Variants in LRBA observed in about 807,000 individuals in gnomAD.
LRBA encodes lipopolysaccharide-responsive and beige-like anchor protein.
LRBA carries 176 observed loss-of-function variants against 330.0 expected under a neutral mutation model. The ratio of observed to expected loss-of-function variants is 0.53; its 90% CI spans 0.47 to 0.60. LRBA has a LOEUF of 0.60. LRBA is among the 20% of genes least tolerant of loss of function. LRBA has a pLI of 0.00. For synonymous variants in LRBA, 1,230 were observed against 1,193.0 expected, an observed-to-expected ratio of 1.03 and a Z score of -0.64; for missense variants, 3,259 against 3,444.8, an observed-to-expected ratio of 0.95 and a Z score of 1.35.
chr4:150,769,351 G>A (rs1736237064), intron 34 of LRBA, among the ~76,000 whole-genome samples: 1 of 151,980 alleles, frequency 6.6e-6, no homozygotes, highest in Non-Finnish European at 1.5e-5. Flanking sequence ...GAGACACAGA[G>A]ACAGAGAGAG....
chr4:150,604,968 T>C (rs1243131912), intron 37 of LRBA, among the ~76,000 whole-genome samples: 1 of 152,066 alleles, frequency 6.6e-6, no homozygotes, highest in South Asian at 2.1e-4. Flanking sequence ...AGTGGACATA[T>C]TAGGAAGATG....
intron 37 of LRBA, among the ~76,000 whole-genome samples, chr4:150,675,672 C>T (rs1003272352): frequency 6.6e-6 from 1 of 151,916 alleles, no homozygotes; most frequent in African/African-American, 2.4e-5. Flanking sequence ...GAGCTGAGAT[C>T]CCACCACTGC....
At chr4:150,726,904 A>C (rs561720102) in intron 36 of LRBA, among the ~76,000 whole-genome samples, 89 of 151,750 alleles carry the variant, frequency 5.9e-4, no homozygotes, top group Non-Finnish European at 1.1e-3. Context: ...AACTAATGAG[A>C]GAGATAGACT....
rs1304772955 is a variant in LRBA, at chr4:150,599,137, A to G, written c.5922-6T>C. 6.2e-7 allele frequency: 1 copy of G among 1,613,850 alleles called. No homozygotes were observed. Among genetic ancestry groups the G allele is most frequent in the South Asian group, 1.1e-5 (1 of 91,052 alleles). On this transcript the variant is annotated splice_polypyrimidine_tract_variant and splice_region_variant and intron_variant, in intron 37 of 56. Transcript: ENST00000651943. Reference sequence around the variant, plus strand: ...GCCAGAACTCAAGAGGACGACTACAATGAAACAGAGAAGCCACATATGTTA... The same window carrying G: ...GCCAGAACTCAAGAGGACGACTACAGTGAAACAGAGAAGCCACATATGTTA...
At chr4:150,579,362 TG>T (rs763670954) in intron 40 of LRBA, 2 of 400,254 alleles carry the variant, frequency 5.0e-6, no homozygotes. Context: ...CAGAGTGAGT[TG>T]GGGTGGGGGA....
chr4:150,822,942 T>C (rs906804646), intron 30 of LRBA, among the ~76,000 whole-genome samples: 6 of 151,980 alleles, frequency 3.9e-5, no homozygotes, highest in African/African-American at 1.4e-4. Flanking sequence ...CTTAAACCGG[T>C]AAGCACAGTG....
At chr4:150,482,911 G>T (rs879048964) in intron 42 of LRBA, among the ~76,000 whole-genome samples, 1 of 151,704 alleles carries the variant, frequency 6.6e-6, no homozygotes, top group African/African-American at 2.4e-5. Context: ...ACATATCCTG[G>T]ATGTAAGTGC....
Position 151,014,633 on chromosome 4 carries a change from C to G in LRBA, c.10G>C (p.Glu4Gln). MAS[E>Q]DNRVPSPPPT... ...GGCGGGGAAGGGACACGATTGTCTTCGCTAGCCATTGCTAGCTCACGATAA... is the reference window on the plus strand; with the variant it reads ...GGCGGGGAAGGGACACGATTGTCTTGGCTAGCCATTGCTAGCTCACGATAA... Residue 4 changes from glutamate (E) to glutamine (Q), a missense_variant, in exon 2 of 57, where the codon GAA becomes CAA. Coordinates refer to ENST00000651943, the MANE Select transcript of LRBA (RefSeq NM_001364905.1). The G allele has an allele frequency of 6.3e-7, 1 of 1,598,654 alleles. No individual in the cohort carries two copies. Among genetic ancestry groups the G allele is most frequent in the Non-Finnish European group, 8.5e-7 (1 of 1,171,404 alleles).
chr4:151,005,057 A>G (rs1280914803), intron 2 of LRBA, among the ~76,000 whole-genome samples: 1 of 152,180 alleles, frequency 6.6e-6, no homozygotes, highest in Non-Finnish European at 1.5e-5. Flanking sequence ...GTCAAGAAAT[A>G]GTCAAGAAAG....
At chr4:150,760,161 C>A (rs894592661) in intron 35 of LRBA, among the ~76,000 whole-genome samples, 1 of 152,076 alleles carries the variant, frequency 6.6e-6, no homozygotes, top group African/African-American at 2.4e-5. Context: ...CAATATCATC[C>A]AATACCTCAG....
chr4:150,551,638 A>T (rs1227767162), intron 40 of LRBA, among the ~76,000 whole-genome samples: 4 of 152,144 alleles, frequency 2.6e-5, no homozygotes, highest in Middle Eastern at 3.4e-3. Context: ...ACTGCACTCC[A>T]GCCTGGGTGA....
chr4:150,455,958 T>C (rs991487456), intron 44 of LRBA, among the ~76,000 whole-genome samples: 1 of 152,178 alleles, frequency 6.6e-6, no homozygotes, highest in Admixed American at 6.6e-5. Flanking sequence ...TCACTTAGCA[T>C]AATGACCTCT....
At chr4:150,817,770 C>T (rs182580338) in intron 30 of LRBA, among the ~76,000 whole-genome samples, 47 of 151,926 alleles carry the variant, frequency 3.1e-4, no homozygotes, top group South Asian at 1.0e-3. Context: ...AAAAACCATA[C>T]GCAAAAATAT....
chr4:150,865,865 G>A (rs1388368545), intron 22 of LRBA, among the ~76,000 whole-genome samples: 2 of 151,904 alleles, frequency 1.3e-5, no homozygotes, highest in Non-Finnish European at 2.9e-5. Context: ...ACAGGTGCAC[G>A]CCACCACGCC....
At chr4:150,894,535 G>T (rs868576179) in intron 16 of LRBA, among the ~76,000 whole-genome samples, 1 of 152,206 alleles carries the variant, frequency 6.6e-6, no homozygotes, top group Non-Finnish European at 1.5e-5. Context: ...AGCCAACTTG[G>T]ACAATACTGA....
intron 47 of LRBA, among the ~76,000 whole-genome samples, chr4:150,393,531 C>G (rs548867401): frequency 5.9e-4 from 86 of 146,546 alleles, no homozygotes; most frequent in Non-Finnish European, 8.6e-4. Context: ...TGTTGCCATG[C>G]TATAGTGCAG....
At chr4:150,705,710 A>T (rs1785553169) in intron 36 of LRBA, among the ~76,000 whole-genome samples, 1 of 152,036 alleles carries the variant, frequency 6.6e-6, no homozygotes, top group Non-Finnish European at 1.5e-5. Flanking sequence ...TATCAACTCC[A>T]CTGCTCCACT....
chr4:150,927,226 A>G (rs1733978924), intron 4 of LRBA, among the ~76,000 whole-genome samples: 1 of 151,896 alleles, frequency 6.6e-6, no homozygotes, highest in Non-Finnish European at 1.5e-5. Flanking sequence ...TACAAAAATT[A>G]GCCGCACTTG....
chr4:150,363,655 A>C (rs577717844), intron 47 of LRBA, among the ~76,000 whole-genome samples: 1 of 152,204 alleles, frequency 6.6e-6, no homozygotes, highest in Non-Finnish European at 1.5e-5. Flanking sequence ...TATATCGCTT[A>C]ATCTATTTCT....
Sources: allele counts gnomAD v4.1 joint callset (sites outside exome capture counted in the v4.1 genomes callset), GRCh38; gene constraint gnomAD v4.1.1; transcripts MANE v1.5; gene names NCBI Gene and HGNC (gene_info 2026-07-23, HGNC 2026-07-21).